Variants in NUP210L observed in about 807,000 individuals in gnomAD.
The protein encoded by NUP210L is nucleoporin 210 like.
In NUP210L, 74 loss-of-function variants were observed where a neutral mutation model predicts 208.5. The ratio of observed to expected loss-of-function variants is 0.35; its 90% CI spans 0.29 to 0.43. The LOEUF is 0.43. NUP210L is among the 20% of genes least tolerant of loss of function. The pLI is 1.00. For synonymous variants in NUP210L, 780 were observed against 816.9 expected, an observed-to-expected ratio of 0.95 and a Z score of 0.77; for missense variants, 1,843 against 2,289.4, an observed-to-expected ratio of 0.81 and a Z score of 3.98.
intron 14 of NUP210L, 21 bp from the exon 15 acceptor site, chr1:154,095,177 T>A: frequency 6.5e-7 from 1 of 1,544,620 alleles, no homozygotes; most frequent in South Asian, 1.1e-5. Context: ...TTAAAGAAAT[T>A]AATTCCTGAT....
At chr1:154,121,265 G>A (rs1016071071) in intron 10 of NUP210L, among the ~76,000 whole-genome samples, 2 of 152,064 alleles carry the variant, frequency 1.3e-5, no homozygotes, top group African/African-American at 2.4e-5. Flanking sequence ...TTAAACAGCT[G>A]TTTTGCTATT....
chr1:154,095,806 A>G (rs533521509), intron 14 of NUP210L, among the ~76,000 whole-genome samples: 1 of 152,328 alleles, frequency 6.6e-6, no homozygotes, highest in South Asian at 2.1e-4. Flanking sequence ...ATAAGCTAAG[A>G]AGTAGACAAG....
chr1:154,006,967 T>TATATGTA (rs57242105), intron 35 of NUP210L, among the ~76,000 whole-genome samples: 1 of 94,896 alleles, frequency 1.1e-5, no homozygotes, highest in Non-Finnish European at 2.0e-5. Flanking sequence ...TATATATATA[T>TATATGTA]TTTTTTTTTT....
chr1:154,049,164 G>A (rs1262556844), intron 25 of NUP210L, among the ~76,000 whole-genome samples: 1 of 152,120 alleles, frequency 6.6e-6, no homozygotes, highest in African/African-American at 2.4e-5. Flanking sequence ...AGTTGGAGTT[G>A]GTAAAGCCCC....
intron 13 of NUP210L, among the ~76,000 whole-genome samples, chr1:154,102,091 C>T (rs1374235398): frequency 1.3e-5 from 2 of 151,958 alleles, no homozygotes; most frequent in Non-Finnish European, 2.9e-5. Context: ...GTAGAGGTTG[C>T]AGTGAGCCGA....
chr1:154,046,077 G>A, exon 27 of NUP210L: 1 of 1,613,898 alleles, frequency 6.2e-7, no homozygotes, highest in Non-Finnish European at 8.5e-7. Context: ...ACCTCTGAAT[G>A]CCTGGGCACT....
intron 7 of NUP210L, among the ~76,000 whole-genome samples, chr1:154,133,365 T>A (rs944679168): frequency 6.6e-6 from 1 of 151,548 alleles, no homozygotes; most frequent in African/African-American, 2.4e-5. Flanking sequence ...TCCAGCCTAC[T>A]CAGCCTAGCA....
chr1:154,113,434 C>T (rs1213710561), intron 12 of NUP210L, among the ~76,000 whole-genome samples: 1 of 151,958 alleles, frequency 6.6e-6, no homozygotes. Context: ...GTCTGGCAAA[C>T]TACGGCCTGT....
chr1:154,127,359 A>C, exon 9 of NUP210L: 1 of 1,608,134 alleles, frequency 6.2e-7, no homozygotes. Flanking sequence ...CGTCTACTGT[A>C]ATGACATATA....
At chr1:154,125,266 A>G (rs548709994) in intron 10 of NUP210L, among the ~76,000 whole-genome samples, 1 of 152,140 alleles carries the variant, frequency 6.6e-6, no homozygotes, top group East Asian at 1.9e-4. Flanking sequence ...CCTGGCCAAC[A>G]TGGTGAAACC....
chr1:154,100,805 ACCG>A (rs1656431993), intron 13 of NUP210L, among the ~76,000 whole-genome samples: 1 of 151,606 alleles, frequency 6.6e-6, no homozygotes, highest in Non-Finnish European at 1.5e-5. Flanking sequence ...AGCATGAGCC[ACCG>A]CACCCAGCCA....
At chr1:154,126,052 G>A (rs1337049033) in intron 10 of NUP210L, among the ~76,000 whole-genome samples, 1 of 151,958 alleles carries the variant, frequency 6.6e-6, no homozygotes, top group Non-Finnish European at 1.5e-5. Context: ...ACAGGCGTGA[G>A]CCACCGCGCC....
chr1:154,081,459 T>C (rs1386065298), intron 16 of NUP210L, among the ~76,000 whole-genome samples: 2 of 152,190 alleles, frequency 1.3e-5, no homozygotes, highest in African/African-American at 2.4e-5. Context: ...TTATTTATGG[T>C]GGCCCCCTTG....
chr1:154,120,895 CAAAAAAAAAAAA>C (rs34261242), intron 10 of NUP210L, among the ~76,000 whole-genome samples: 1 of 82,214 alleles, frequency 1.2e-5, no homozygotes, highest in African/African-American at 4.7e-5. Flanking sequence ...GACTCTGTCT[CAAAAAAAAAAAA>C]AAAAAAAAAG....
intron 13 of NUP210L, 69 bp from the exon 14 acceptor site, chr1:154,100,212 G>T: frequency 1.4e-6 from 2 of 1,436,540 alleles, no homozygotes; most frequent in Non-Finnish European, 1.9e-6. Flanking sequence ...CACTTTGGGA[G>T]GCCAAGGCAG....
At position 154,065,844 on chromosome 1, in the gene NUP210L, G is replaced by C. The variant is rs1029744199; in HGVS notation, c.2555-4170C>G. Among the ~76,000 whole-genome samples the C allele has an allele frequency of 3.3e-5, 4 of 120,436 alleles. No individual in the cohort carries two copies. In the South Asian group the frequency reaches 1.1e-3, roughly 33 times the overall value. 79.0% of individuals were successfully genotyped at this position (120,436 alleles called of 152,430 possible). A position where few individuals can be genotyped will look rare whatever the true frequency, so the allele number is the denominator to read the frequency against. ...GAAGGCAGAGGTTGCAGTAAGCAGAGATAGCACCATTGCACCCCAGCCTGG... is the reference window on the plus strand; with the variant it reads ...GAAGGCAGAGGTTGCAGTAAGCAGACATAGCACCATTGCACCCCAGCCTGG... On this transcript the variant is annotated intron_variant, in intron 17 of 39. Coordinates refer to ENST00000368559, the Ensembl canonical transcript of NUP210L.
At chr1:154,062,549 C>T (rs1654191283) in intron 17 of NUP210L, among the ~76,000 whole-genome samples, 1 of 144,228 alleles carries the variant, frequency 6.9e-6, no homozygotes, top group Admixed American at 7.0e-5. Context: ...CTTCACCTTT[C>T]TCTCTCTTTT....
intron 7 of NUP210L, among the ~76,000 whole-genome samples, chr1:154,133,122 T>C (rs957137150): frequency 6.6e-6 from 1 of 152,218 alleles, no homozygotes; most frequent in East Asian, 1.9e-4. Flanking sequence ...CTGTCTTCCT[T>C]ACTCTTCTTT....
chr1:154,093,659 T>C (rs909452842), intron 15 of NUP210L, among the ~76,000 whole-genome samples: 1 of 152,028 alleles, frequency 6.6e-6, no homozygotes, highest in South Asian at 2.1e-4. Flanking sequence ...TAGAATGAAG[T>C]TCAATGGATT....
Sources: gnomAD v4.1 joint callset for allele counts (sites outside exome capture counted in the v4.1 genomes callset) on GRCh38, gnomAD v4.1.1 for gene constraint, MANE v1.5 for transcripts, NCBI Gene and HGNC (gene_info 2026-07-23, HGNC 2026-07-21) for gene names.